The following TIAM1 variants were observed in gnomAD, a reference collection of about 807,000 sequenced individuals.
TIAM1 encodes the protein TIAM Rac1 associated GEF 1, also known as rho guanine nucleotide exchange factor TIAM1.
Under a neutral mutation model 163.5 loss-of-function variants are expected in TIAM1, and 65 were observed. That is an observed-to-expected ratio of 0.40 (90% CI 0.33 to 0.49). The LOEUF (loss-of-function observed/expected upper bound fraction) is 0.49, where lower values mean the gene tolerates loss of function less well. Ranked by LOEUF, TIAM1 falls within the 20% of genes least tolerant of loss-of-function variation. The pLI is 0.77. For missense variants in TIAM1, 1,789 were observed against 2,044.7 expected, an observed-to-expected ratio of 0.87 and a Z score of 2.41; for synonymous variants, 833 against 810.1, an observed-to-expected ratio of 1.03 and a Z score of -0.48.
intron 2 of TIAM1, among the ~76,000 whole-genome samples, chr21:31,450,350 G>C (rs1314454245): frequency 6.6e-6 from 1 of 152,198 alleles, no homozygotes; most frequent in East Asian, 1.9e-4. Context: ...GCAAGAAGCA[G>C]GTCGTGCTTA....
rs944583696 is a variant in TIAM1 at position 31,152,682 on chromosome 21, C to T, written c.3320G>A (p.Arg1107Lys). 1.9e-6 allele frequency: 3 copies of T among 1,614,088 alleles called. No individual in the cohort carries two copies. Among genetic ancestry groups the T allele is most frequent in the African/African-American group, 2.7e-5 (2 of 74,932 alleles). ...AAGCTTTTCCAAATCAGGTACCAGT[C>T]TCACTCCATCTTCTAGAGTTTTAAG... The part of the protein sequence containing the change: ...EFLKTLEDGV[R>K]LVPDLEKLEK... Residue 1107 changes from arginine (R) to lysine (K), a missense_variant, in exon 19 of 28, where the codon AGA becomes AAA. By Grantham distance (26) the Arg-to-Lys change is conservative. Coordinates refer to ENST00000541036, the MANE Select transcript of TIAM1 (RefSeq NM_001353694.2).
At chr21:31,508,372 T>G (rs2047102082) in intron 1 of TIAM1, among the ~76,000 whole-genome samples, 1 of 151,374 alleles carries the variant, frequency 6.6e-6, no homozygotes, top group Non-Finnish European at 1.5e-5. Flanking sequence ...GAACTAGGTT[T>G]TCATATTGAA....
intron 15 of TIAM1, among the ~76,000 whole-genome samples, chr21:31,168,596 T>G (rs1409740385): frequency 6.6e-6 from 1 of 152,172 alleles, no homozygotes; most frequent in African/African-American, 2.4e-5. Flanking sequence ...GAGACAGGGT[T>G]TCACCATGTT....
At chr21:31,370,345 A>AT (rs2076575117) in intron 2 of TIAM1, among the ~76,000 whole-genome samples, 1 of 152,134 alleles carries the variant, frequency 6.6e-6, no homozygotes, top group Non-Finnish European at 1.5e-5. Flanking sequence ...TTTTCTTTTT[A>AT]TTTTTTGAAC....
chr21:31,210,275 C>T, intron 10 of TIAM1, 60 bp from the exon 11 acceptor site: 2 of 1,559,394 alleles, frequency 1.3e-6, no homozygotes, highest in Non-Finnish European at 1.7e-6. Context: ...ACCCTAGATT[C>T]CCAGACTGCA....
At chr21:31,220,533 T>G (rs2087498959) in intron 8 of TIAM1, among the ~76,000 whole-genome samples, 1 of 152,152 alleles carries the variant, frequency 6.6e-6, no homozygotes, top group Non-Finnish European at 1.5e-5. Flanking sequence ...AACTCTTCAG[T>G]TTACAATTTC....
chr21:31,521,538 C>T (rs2047585731), intron 1 of TIAM1, among the ~76,000 whole-genome samples: 1 of 152,046 alleles, frequency 6.6e-6, no homozygotes, highest in African/African-American at 2.4e-5. Flanking sequence ...GAGTTGAAGA[C>T]CAGCCTGGGT....
At chr21:31,477,209 T>C (rs757744610) in intron 1 of TIAM1, among the ~76,000 whole-genome samples, 2 of 152,188 alleles carry the variant, frequency 1.3e-5, no homozygotes, top group African/African-American at 4.8e-5. Context: ...GTCTGTGAAA[T>C]AGAAGAACTA....
At chr21:31,407,488 T>G in intron 2 of TIAM1, among the ~76,000 whole-genome samples, 1 of 152,094 alleles carries the variant, frequency 6.6e-6, no homozygotes, top group African/African-American at 2.4e-5. Context: ...GCACTACTGC[T>G]ACCACTGGTG....
chr21:31,458,787 C>A (rs34098893), intron 2 of TIAM1, among the ~76,000 whole-genome samples: 14,111 of 152,184 alleles, frequency 0.093, 902 homozygotes, highest in Admixed American at 0.13. Flanking sequence ...AGGGCTGCTA[C>A]TTCAGCTTAG....
chr21:31,132,653 C>G (rs1053907959), intron 23 of TIAM1, among the ~76,000 whole-genome samples: 5 of 152,288 alleles, frequency 3.3e-5, no homozygotes, highest in Non-Finnish European at 7.4e-5. Flanking sequence ...CATTGTGGAT[C>G]ACAGCAGGAG....
At chr21:31,143,923 G>A (rs970999972) in intron 20 of TIAM1, among the ~76,000 whole-genome samples, 1 of 151,814 alleles carries the variant, frequency 6.6e-6, no homozygotes, top group East Asian at 1.9e-4. Flanking sequence ...TAGTAGAGAC[G>A]GAGTTTCACC....
rs777954875 is a variant in TIAM1 at position 31,130,869 on chromosome 21, G to A, written c.3942+21C>T. 4.4e-6 allele frequency: 7 copies of A among 1,609,166 alleles called. No individual in the cohort carries two copies. The African/African-American group carries it at 8.0e-5, about 18-fold the overall frequency. ...GATAGAGAAATAGTTTCAAACCATGGGGTAACATAAGATGTCTTACAAGTT... is the reference window on the plus strand; with the variant it reads ...GATAGAGAAATAGTTTCAAACCATGAGGTAACATAAGATGTCTTACAAGTT... On this transcript the variant is annotated intron_variant, in intron 24 of 27. Coordinates refer to ENST00000541036, the MANE Select transcript of TIAM1 (RefSeq NM_001353694.2).
intron 2 of TIAM1, among the ~76,000 whole-genome samples, chr21:31,437,290 G>A (rs987895994): frequency 6.6e-6 from 1 of 152,074 alleles, no homozygotes; most frequent in Non-Finnish European, 1.5e-5. Flanking sequence ...AGGATTGCTT[G>A]AGCCCAGTTC....
At chr21:31,124,470 T>G in intron 27 of TIAM1, 52 bp downstream of exon 27, 4 of 1,606,376 alleles carry the variant, frequency 2.5e-6, no homozygotes, top group Non-Finnish European at 2.5e-6. Context: ...ACTGGAGTTC[T>G]ACTGCGGAGT....
chr21:31,454,859 G>A (rs949201029), intron 2 of TIAM1, among the ~76,000 whole-genome samples: 28 of 152,144 alleles, frequency 1.8e-4, no homozygotes, highest in African/African-American at 4.6e-4. Flanking sequence ...TGGGGACAGC[G>A]ACTCCCCAAT....
At chr21:31,371,807 A>G (rs978728104) in intron 2 of TIAM1, among the ~76,000 whole-genome samples, 1 of 152,138 alleles carries the variant, frequency 6.6e-6, no homozygotes, top group Non-Finnish European at 1.5e-5. Context: ...GGTTCTCTGA[A>G]GACTCTTTTA....
At chr21:31,535,380 C>CAAAAAAAAAAA (rs59742048) in intron 1 of TIAM1, among the ~76,000 whole-genome samples, 3 of 54,300 alleles carry the variant, frequency 5.5e-5, no homozygotes, top group African/African-American at 1.4e-4. Flanking sequence ...GGCTCCATCT[C>CAAAAAAAAAAA]AAAAAAAAAA....
intron 1 of TIAM1, among the ~76,000 whole-genome samples, chr21:31,472,405 T>G (rs1055765385): frequency 3.9e-5 from 6 of 152,094 alleles, no homozygotes; most frequent in African/African-American, 1.4e-4. Flanking sequence ...CACATGCCTG[T>G]AGTCCCAGCT....
Sources: allele counts gnomAD v4.1 joint callset (sites outside exome capture counted in the v4.1 genomes callset), GRCh38; gene constraint gnomAD v4.1.1; transcripts MANE v1.5; gene names NCBI Gene and HGNC (gene_info 2026-07-23, HGNC 2026-07-21).